CNTNAP5: variants seen among roughly 807,000 people sequenced by gnomAD.
The protein encoded by CNTNAP5 is contactin-associated protein-like 5.
A neutral mutation model predicts 150.2 loss-of-function variants in CNTNAP5; 72 were observed. The ratio of observed to expected loss-of-function variants is 0.48; its 90% CI spans 0.40 to 0.58. CNTNAP5 has a LOEUF of 0.58. Ranked by LOEUF, CNTNAP5 falls within the 20% of genes least tolerant of loss-of-function variation. CNTNAP5 has a pLI of 0.00. For synonymous variants in CNTNAP5, 672 were observed against 619.8 expected (o/e 1.08, Z -1.25); for missense variants, 1,636 against 1,626.2 (o/e 1.01, Z -0.10).
intron 10 of CNTNAP5, among the ~76,000 whole-genome samples, chr2:124,535,121 A>C (rs563617359): frequency 6.6e-6 from 1 of 152,234 alleles, no homozygotes; most frequent in East Asian, 1.9e-4. Context: ...ACAGACACTG[A>C]TTTCATATGG....
chr2:124,335,917 A>G (rs1279489743), intron 3 of CNTNAP5, among the ~76,000 whole-genome samples: 1 of 152,088 alleles, frequency 6.6e-6, no homozygotes, highest in Non-Finnish European at 1.5e-5. Flanking sequence ...GGATAACATA[A>G]TGATTAATAC....
Position 124,772,248 on chromosome 2 carries a change from A to G in CNTNAP5, c.2534-551A>G, listed in dbSNP as rs542374535. ...CAGAAAGAATAATGGAAGGAGTCCCATGTGATGACAGGAGGCTTGGGTTTG... is the reference window on the plus strand; with the variant it reads ...CAGAAAGAATAATGGAAGGAGTCCCGTGTGATGACAGGAGGCTTGGGTTTG... On this transcript the variant is annotated intron_variant, in intron 16 of 23. Coordinates refer to ENST00000682447, the MANE Select transcript of CNTNAP5 (RefSeq NM_001367498.1). Among the ~76,000 whole-genome samples, 37 of 152,336 alleles carry G rather than the reference A, an allele frequency of 2.4e-4. 1 individual carries two copies. In the South Asian group the frequency reaches 7.5e-3, roughly 31 times the overall value.
intron 11 of CNTNAP5, among the ~76,000 whole-genome samples, chr2:124,579,308 A>T (rs1218356171): frequency 6.6e-6 from 1 of 152,222 alleles, no homozygotes; most frequent in Admixed American, 6.5e-5. Flanking sequence ...GTTACACAAA[A>T]TATTTTATAT....
chr2:124,716,144 T>C (rs1472461683), intron 13 of CNTNAP5, among the ~76,000 whole-genome samples: 1 of 152,156 alleles, frequency 6.6e-6, no homozygotes, highest in Non-Finnish European at 1.5e-5. Context: ...ATTTTTATAT[T>C]TTTGCCAAGC....
chr2:124,792,293 T>G (rs1218291391), intron 18 of CNTNAP5, among the ~76,000 whole-genome samples: 1 of 152,152 alleles, frequency 6.6e-6, no homozygotes, highest in Non-Finnish European at 1.5e-5. Context: ...GCAACATATA[T>G]TCCTCATCCA....
Position 124,086,802 on chromosome 2 carries a change from ATATTT to A in CNTNAP5, c.82+61083_82+61087del, listed in dbSNP as rs1009435097. ...TTTAAGTGGTAACCTTAGGCCATTTATATTTTATTTTATTTTAATATATTAGAATT... is the reference window on the plus strand; with the variant it reads ...TTTAAGTGGTAACCTTAGGCCATTTATATTTTATTTTAATATATTAGAATT... On this transcript the variant is annotated intron_variant, in intron 1 of 23. Coordinates refer to ENST00000682447, the MANE Select transcript of CNTNAP5 (RefSeq NM_001367498.1). Among the ~76,000 whole-genome samples, 330 of 151,528 alleles carry A rather than the reference ATATTT, an allele frequency of 2.2e-3. 7 individuals are homozygous for A. Among genetic ancestry groups the A allele is most frequent in the African/African-American group, 7.5e-3 (308 of 41,100 alleles).
intron 11 of CNTNAP5, among the ~76,000 whole-genome samples, chr2:124,606,006 T>G (rs2104979539): frequency 6.6e-6 from 1 of 152,252 alleles, no homozygotes; most frequent in South Asian, 2.1e-4. Flanking sequence ...CCTCTTATGT[T>G]AATTCTTACC....
rs541897546 is a variant in CNTNAP5 at position 124,451,709 on chromosome 2, G to T, written c.918+4772G>T. 8.5e-5 allele frequency among the ~76,000 whole-genome samples: 13 copies of T among 152,202 alleles called. No individual in the cohort carries two copies. In the South Asian group the frequency reaches 2.7e-3, roughly 32 times the overall value. ...GGACCCAGGAGGCACCCCAAATACTGCGAGTGCCCAAACTGTGGAGGGAAA... is the reference window on the plus strand; with the variant it reads ...GGACCCAGGAGGCACCCCAAATACTTCGAGTGCCCAAACTGTGGAGGGAAA... On this transcript the variant is annotated intron_variant, in intron 6 of 23. Transcript: ENST00000682447.
chr2:124,681,814 G>A (rs72976462), intron 13 of CNTNAP5, among the ~76,000 whole-genome samples: 2,369 of 152,118 alleles, frequency 0.016, 57 homozygotes, highest in African/African-American at 0.046. Flanking sequence ...TGCCCGCCTC[G>A]GCCTTCCTAA....
chr2:124,635,489 T>G lies in CNTNAP5; in HGVS notation c.1877-12269T>G, dbSNP rs189445126. Among the ~76,000 whole-genome samples, 8 of 152,240 alleles carry G rather than the reference T, an allele frequency of 5.3e-5. No individual in the cohort carries two copies. The South Asian group carries it at 1.5e-3, about 28-fold the overall frequency. ...GGGAAACCGGAGGAAAGACAAGCCT[T>G]GTTGAGCTCAGCAGGATCATGAATG... On this transcript the variant is annotated intron_variant, in intron 12 of 23. Transcript: ENST00000682447.
chr2:124,861,961 G>A (rs1677534505), intron 19 of CNTNAP5, among the ~76,000 whole-genome samples: 1 of 152,100 alleles, frequency 6.6e-6, no homozygotes, highest in Non-Finnish European at 1.5e-5. Flanking sequence ...TTACAGGCAT[G>A]TGCCACCATG....
intron 17 of CNTNAP5, among the ~76,000 whole-genome samples, chr2:124,785,538 T>C (rs895309454): frequency 1.3e-5 from 2 of 152,072 alleles, no homozygotes; most frequent in Admixed American, 1.3e-4. Context: ...GGACAAACAG[T>C]GGAGTGCATG....
intron 1 of CNTNAP5, among the ~76,000 whole-genome samples, chr2:124,159,561 C>A (rs1408573218): frequency 6.6e-6 from 1 of 152,204 alleles, no homozygotes; most frequent in Admixed American, 6.5e-5. Context: ...CACTAACCAA[C>A]TGTGTGACCA....
At chr2:124,131,821 T>G (rs1362425903) in intron 1 of CNTNAP5, among the ~76,000 whole-genome samples, 2 of 152,176 alleles carry the variant, frequency 1.3e-5, no homozygotes, top group Non-Finnish European at 2.9e-5. Flanking sequence ...TAGAAAGAAA[T>G]AGGCCCCTTC....
intron 1 of CNTNAP5, among the ~76,000 whole-genome samples, chr2:124,121,437 T>C (rs931654363): frequency 6.6e-6 from 1 of 152,174 alleles, no homozygotes; most frequent in Non-Finnish European, 1.5e-5. Context: ...CCTTTTTCTG[T>C]ATTTTGGTTT....
chr2:124,414,055 A>T (rs2104773395), intron 3 of CNTNAP5, among the ~76,000 whole-genome samples: 1 of 150,854 alleles, frequency 6.6e-6, no homozygotes, highest in East Asian at 2.0e-4. Flanking sequence ...CCATTTCCTG[A>T]GTTCCAGCAT....
Position 124,153,126 on chromosome 2 carries a change from T to C in CNTNAP5, c.83-68579T>C, listed in dbSNP as rs574097772. 9.2e-5 allele frequency among the ~76,000 whole-genome samples: 14 copies of C among 152,270 alleles called. No individual in the cohort carries two copies. The South Asian group carries it at 2.9e-3, about 32-fold the overall frequency. Reference sequence around the variant, plus strand: ...AACCCTTCATAGCATAATGACATGATTTAAATAATTCACATCACTCACTGA... The same window carrying C: ...AACCCTTCATAGCATAATGACATGACTTAAATAATTCACATCACTCACTGA... On this transcript the variant is annotated intron_variant, in intron 1 of 23. Coordinates refer to ENST00000682447, the MANE Select transcript of CNTNAP5 (RefSeq NM_001367498.1).
intron 3 of CNTNAP5, among the ~76,000 whole-genome samples, chr2:124,349,600 G>C (rs1413062484): frequency 1.3e-5 from 2 of 152,172 alleles, no homozygotes; most frequent in African/African-American, 4.8e-5. Context: ...CCTATAAGAA[G>C]ACTGATTCTT....
At chr2:124,862,212 A>G (rs1434538384) in intron 19 of CNTNAP5, among the ~76,000 whole-genome samples, 5 of 152,228 alleles carry the variant, frequency 3.3e-5, no homozygotes, top group Admixed American at 3.3e-4. Context: ...GTTTATATGA[A>G]CAAAAAATGA....
Sources: allele counts gnomAD v4.1 joint callset (sites outside exome capture counted in the v4.1 genomes callset), GRCh38; gene constraint gnomAD v4.1.1; transcripts MANE v1.5; gene names NCBI Gene and HGNC (gene_info 2026-07-23, HGNC 2026-07-21).